CHD6: variants seen among roughly 807,000 people sequenced by gnomAD.
CHD6 encodes chromodomain helicase DNA binding protein 6.
CHD6 carries 50 observed loss-of-function variants against 276.9 expected under a neutral mutation model. That is an observed-to-expected ratio of 0.18 (90% CI 0.14 to 0.23). The LOEUF is 0.23. Among genes scored for constraint, CHD6 ranks in the 10% least tolerant of loss-of-function variants. The probability of loss-of-function intolerance (pLI) is 1.00; values close to 1 mark genes in which losing one functional copy is unlikely to be tolerated. For missense variants in CHD6, 2,564 were observed against 3,365.8 expected, an observed-to-expected ratio of 0.76 and a Z score of 5.89; for synonymous variants, 1,173 against 1,229.3, an observed-to-expected ratio of 0.95 and a Z score of 0.96.
Position 41,415,550 on chromosome 20 carries a change from C to G in CHD6, c.6575G>C (p.Arg2192Pro). The G allele has an allele frequency of 6.2e-7, 1 of 1,614,070 alleles. No homozygotes were observed. Among genetic ancestry groups the G allele is most frequent in the Non-Finnish European group, 8.5e-7 (1 of 1,180,028 alleles). Reference sequence around the variant, plus strand: ...GGTGGCAGAGAACTGCTCCAGGCCCCGAGCCTTTGCATCCCTCTCCACCTC... The same window carrying G: ...GGTGGCAGAGAACTGCTCCAGGCCCGGAGCCTTTGCATCCCTCTCCACCTC... ...EFEVERDAKA[R>P]GLEQFSATHG... Residue 2192 changes from arginine (R) to proline (P), a missense_variant, in exon 34 of 37, where the codon CGG becomes CCG. By Grantham distance (103) the Arg-to-Pro change is moderately radical (BLOSUM62 -2). This residue lies in a region of CHD6 where 1,024 missense variants were observed against 1,047.9 expected (regional missense o/e 0.98). Transcript: ENST00000373233.
At chr20:41,552,471 TAC>T (rs1401102673) in intron 1 of CHD6, among the ~76,000 whole-genome samples, 2 of 152,234 alleles carry the variant, frequency 1.3e-5, no homozygotes, top group Non-Finnish European at 2.9e-5. Flanking sequence ...ACTTAATTAT[TAC>T]ACATTGTATT....
At chr20:41,605,689 C>T (rs1044109082) in intron 1 of CHD6, among the ~76,000 whole-genome samples, 1 of 152,132 alleles carries the variant, frequency 6.6e-6, no homozygotes, top group African/African-American at 2.4e-5. Flanking sequence ...GGATAAACCA[C>T]ATGTAAGACT....
intron 6 of CHD6, 144 bp downstream of exon 6, chr20:41,499,151 T>TA (rs2043769825): frequency 1.7e-6 from 1 of 573,058 alleles, no homozygotes; most frequent in African/African-American, 1.9e-5. Flanking sequence ...GGGGTAAAAA[T>TA]AAGTGTTGGC....
In CHD6 at chr20:41,512,808, G is replaced by C. The variant is rs947162379; in HGVS notation, c.852+38C>G. The C allele has an allele frequency of 1.7e-5, 28 of 1,611,520 alleles. No homozygotes were observed. In the African/African-American group the frequency reaches 3.3e-4, roughly 19 times the overall value. ...GTCTGTCATCTAGGTCAAAATGACT[G>C]TCCAGCCAAGGTCAGTAACCTCATG... On this transcript the variant is annotated intron_variant, in intron 5 of 36. Coordinates refer to ENST00000373233, the MANE Select transcript of CHD6 (RefSeq NM_032221.5).
chr20:41,403,616 C>T lies in CHD6; in HGVS notation c.*977G>A. 9.4e-7 allele frequency: 1 copy of T among 1,062,302 alleles called. No homozygotes were observed. The highest frequency in any genetic ancestry group is 1.1e-6 in the Non-Finnish European group (1 of 877,434). The allele number at this position is 1,062,302 out of a possible 1,614,324, so 65.8% of individuals were successfully genotyped here. A position where few individuals can be genotyped will look rare whatever the true frequency, so the allele number is the denominator to read the frequency against. ...GATCAAAGGACCTACTAGCAAGTGT[C>T]AAAGTGTTGGGCAACTGTCTTCTTG... On this transcript the variant is annotated 3_prime_UTR_variant, in exon 37 of 37. Transcript: ENST00000373233.
chr20:41,462,298 T>A (rs1014697251), intron 17 of CHD6, among the ~76,000 whole-genome samples: 8 of 152,222 alleles, frequency 5.3e-5, no homozygotes, highest in African/African-American at 1.9e-4. Context: ...ATATCAGTAC[T>A]CATTTGATTT....
Position 41,404,593 on chromosome 20 carries a change from C to A in CHD6, c.8148G>T (p.Ter2716TyrextTer12). 2 of 1,472,906 alleles carry A rather than the reference C, an allele frequency of 1.4e-6. No individual in the cohort carries two copies. Among genetic ancestry groups the A allele is most frequent in the Non-Finnish European group, 1.8e-6 (2 of 1,109,550 alleles). The allele number at this position is 1,472,906 out of a possible 1,614,324, so 91.2% of individuals were successfully genotyped here. The change falls in exon 37 of 37, where the codon TAG becomes TAT. Residue 2716 changes from the stop codon to tyrosine, a stop_lost. Coordinates refer to ENST00000373233, the MANE Select transcript of CHD6 (RefSeq NM_032221.5). ...AATAATTTCTTAAATGAAAAAAGTT[C>A]TAATTGGTGTCGTTGTTGGAGTCTT... ...ALKDSNNDTN[*>Y]
intron 23 of CHD6, 136 bp from the exon 24 acceptor site, chr20:41,448,107 T>G: frequency 2.1e-6 from 1 of 485,502 alleles, no homozygotes; most frequent in East Asian, 3.3e-5. Flanking sequence ...GAGAAGGCAC[T>G]AGAAAAACAA....
At chr20:41,447,497 A>G (rs2294571) in intron 24 of CHD6, among the ~76,000 whole-genome samples, 23,222 of 152,222 alleles carry the variant, frequency 0.15, 3,005 homozygotes, top group East Asian at 0.34. Context: ...GCAAATAAAG[A>G]AAATATGTAT....
intron 1 of CHD6, among the ~76,000 whole-genome samples, chr20:41,591,569 T>C (rs2045661294): frequency 6.6e-6 from 1 of 151,972 alleles, no homozygotes; most frequent in African/African-American, 2.4e-5. Context: ...AGCGTGTGCC[T>C]ATAATACCAG....
intron 27 of CHD6, among the ~76,000 whole-genome samples, chr20:41,432,226 G>A (rs2047567953): frequency 6.6e-6 from 1 of 151,072 alleles, no homozygotes; most frequent in Non-Finnish European, 1.5e-5. Flanking sequence ...CTAGGAAGAG[G>A]TAGGTTAGCA....
chr20:41,595,502 T>C (rs1259955992), intron 1 of CHD6, among the ~76,000 whole-genome samples: 2 of 152,016 alleles, frequency 1.3e-5, no homozygotes, highest in Non-Finnish European at 2.9e-5. Context: ...AAACCTCCAG[T>C]GGGGTGGTTG....
intron 24 of CHD6, among the ~76,000 whole-genome samples, chr20:41,446,118 T>C (rs6102420): frequency 0.046 from 6,946 of 152,262 alleles, 501 homozygotes; most frequent in African/African-American, 0.16. Context: ...CATTGATATA[T>C]TGGACATCTG....
chr20:41,469,573 C>T (rs2043006868), intron 17 of CHD6, among the ~76,000 whole-genome samples: 1 of 152,202 alleles, frequency 6.6e-6, no homozygotes, highest in Admixed American at 6.5e-5. Flanking sequence ...CGTCCTGTGC[C>T]ACTTCTTAAC....
chr20:41,439,359 A>G (rs533788724), intron 26 of CHD6, among the ~76,000 whole-genome samples: 1,483 of 146,862 alleles, frequency 0.01, 10 homozygotes, highest in South Asian at 0.015. Flanking sequence ...CTATCTCGGG[A>G]AAAAAAAAAA....
At chr20:41,568,747 C>T (rs1474925822) in intron 1 of CHD6, among the ~76,000 whole-genome samples, 1 of 152,172 alleles carries the variant, frequency 6.6e-6, no homozygotes, top group Non-Finnish European at 1.5e-5. Context: ...TCCTTCCATT[C>T]AGGTTTTATG....
intron 2 of CHD6, among the ~76,000 whole-genome samples, chr20:41,542,743 T>C (rs184334976): frequency 1.3e-5 from 2 of 151,988 alleles, no homozygotes; most frequent in African/African-American, 4.8e-5. Context: ...ATTGTTCTTT[T>C]ATATATCTCA....
Position 41,452,853 on chromosome 20 carries a change from C to T in CHD6, c.3210G>A (p.Glu1070=), listed in dbSNP as rs150971479. The change falls in exon 21 of 37, where the codon GAG becomes GAA. Residue 1070 remains glutamate, a synonymous_variant. Transcript: ENST00000373233. This position sits in a 1 kb window ranked among gnomAD's most constrained non-coding sequence, Gnocchi z 4.2. ...GCCTTTCGTCTGAGTCGCTGTCTAA[C>T]TCTGAAAACTCCATGAGCTCGTCTT... is the stretch of plus-strand genomic sequence containing the variant. ...FEEDELMEFS[E]LDSDSDERPT... The T allele has an allele frequency of 2.0e-4, 321 of 1,613,402 alleles. No homozygotes were observed. The highest frequency in any genetic ancestry group is 9.9e-4 in the Middle Eastern group (6 of 6,082).
At chr20:41,577,208 G>A (rs1182725678) in intron 1 of CHD6, among the ~76,000 whole-genome samples, 4 of 152,168 alleles carry the variant, frequency 2.6e-5, no homozygotes, top group African/African-American at 7.2e-5. Context: ...GAGACTTGTG[G>A]CCGCTATTTA....
Sources: allele counts gnomAD v4.1 joint callset (sites outside exome capture counted in the v4.1 genomes callset), GRCh38; gene constraint gnomAD v4.1.1; regional missense constraint gnomAD v4.1.1; non-coding constraint Gnocchi (gnomAD v3.1); transcripts MANE v1.5; gene names NCBI Gene and HGNC (gene_info 2026-07-23, HGNC 2026-07-21).